Variants in CIT observed in about 807,000 individuals in gnomAD.
CIT encodes the protein citron rho-interacting serine/threonine kinase.
A neutral mutation model predicts 272.7 loss-of-function variants in CIT; 79 were observed. The observed-to-expected ratio is 0.29, with a 90% CI of 0.24 to 0.35. The LOEUF is 0.35. Among genes scored for constraint, CIT ranks in the 10% least tolerant of loss-of-function variants. The probability of loss-of-function intolerance (pLI) is 1.00; values close to 1 mark genes in which losing one functional copy is unlikely to be tolerated. For missense variants in CIT, 1,909 were observed against 2,618.3 expected (o/e 0.73, Z 5.91); for synonymous variants, 948 against 995.6 (o/e 0.95, Z 0.90).
intron 24 of CIT, among the ~76,000 whole-genome samples, chr12:119,741,486 G>GC (rs1158113187): frequency 6.6e-6 from 1 of 152,138 alleles, no homozygotes; most frequent in South Asian, 2.1e-4. Flanking sequence ...ATTATTATGT[G>GC]CTTTACTAGA....
chr12:119,781,472 T>A (rs1964281655), intron 13 of CIT, among the ~76,000 whole-genome samples: 1 of 152,240 alleles, frequency 6.6e-6, no homozygotes, highest in African/African-American at 2.4e-5. Flanking sequence ...TTCATTTCTA[T>A]CAGTGTTTCC....
chr12:119,875,920 G>A (rs772006186), intron 2 of CIT, among the ~76,000 whole-genome samples, 153 bp downstream of exon 2: 7 of 152,074 alleles, frequency 4.6e-5, no homozygotes, highest in Non-Finnish European at 7.4e-5. Context: ...CCCAGGAGGC[G>A]GAGGTTGCAG....
intron 2 of CIT, among the ~76,000 whole-genome samples, chr12:119,871,134 G>A (rs1366312422): frequency 8.0e-6 from 1 of 124,500 alleles, no homozygotes; most frequent in African/African-American, 3.0e-5. Flanking sequence ...AAAAAAAAAA[G>A]TTACGAGTCC....
chr12:119,746,232 C>A (rs1051507865), intron 23 of CIT, among the ~76,000 whole-genome samples: 12 of 152,088 alleles, frequency 7.9e-5, no homozygotes, highest in Admixed American at 7.9e-4. Flanking sequence ...CCTTAAAATG[C>A]CAGATAAGGA....
At chr12:119,863,201 CAAAAA>C (rs751421292) in intron 3 of CIT, among the ~76,000 whole-genome samples, 5 of 40,522 alleles carry the variant, frequency 1.2e-4, no homozygotes, top group African/African-American at 3.5e-4. Context: ...GACTCTGTAT[CAAAAA>C]AAAAAAAAAA....
intron 22 of CIT, among the ~76,000 whole-genome samples, chr12:119,753,690 T>C (rs567051823): frequency 6.6e-6 from 1 of 151,454 alleles, no homozygotes; most frequent in Admixed American, 6.6e-5. Context: ...TGGGCCAAGA[T>C]TGCGCCATTG....
intron 20 of CIT, 105 bp downstream of exon 20, chr12:119,760,834 A>G (rs1373654508): frequency 8.9e-6 from 7 of 790,498 alleles, no homozygotes; most frequent in Non-Finnish European, 1.3e-5. Context: ...ACAGGATTCA[A>G]CAGAAGGAAT....
chr12:119,777,618 C>CTCCTCCTGGACCCGGGAGGCGGAGGTTG, intron 13 of CIT, among the ~76,000 whole-genome samples: 1 of 147,380 alleles, frequency 6.8e-6, no homozygotes, highest in Non-Finnish European at 1.5e-5. Flanking sequence ...TGCAGTGAGC[C>CTCCTCCTGGACCCGGGAGGCGGAGGTTG]GAGATCGCGC....
chr12:119,712,214 A>G lies in CIT; in HGVS notation c.4818T>C (p.Gly1606=). The stretch of plus-strand genomic sequence containing the variant: ...CTGCTTTTTCCCTAGAAACTCTCCC[A>G]CCTGCGACAACTGATTCTAAGGCGG... ...WVTALESVVA[G]GRVSREKAEA... is the part of the protein sequence containing the mutation. Residue 1606 remains glycine (G), a synonymous_variant, in exon 37 of 48, where the codon GGT becomes GGC. Transcript: ENST00000392521. This position sits in a 1 kb window ranked among gnomAD's most constrained non-coding sequence, Gnocchi z 5.2. The G allele has an allele frequency of 6.2e-7, 1 of 1,609,092 alleles. No homozygotes were observed. The highest frequency in any genetic ancestry group is 8.5e-7 in the Non-Finnish European group (1 of 1,177,456).
intron 46 of CIT, among the ~76,000 whole-genome samples, chr12:119,692,085 C>G (rs1201024360): frequency 2.0e-5 from 3 of 152,174 alleles, no homozygotes; most frequent in African/African-American, 7.2e-5. Context: ...AAAATTGCTG[C>G]TAACATGCTC....
At chr12:119,875,320 C>G (rs144380048) in intron 2 of CIT, among the ~76,000 whole-genome samples, 15 of 152,272 alleles carry the variant, frequency 9.9e-5, no homozygotes, top group South Asian at 2.1e-4. Flanking sequence ...ACCAATCAAT[C>G]AATGAATGAA....
rs199592850 is a variant in CIT at position 119,697,681 on chromosome 12, G to A, written c.5860C>T (p.Arg1954Trp). 4.6e-5 allele frequency: 74 copies of A among 1,613,942 alleles called. No homozygotes were observed. In the Middle Eastern group the frequency reaches 4.9e-4, roughly 11 times the overall value. The change falls in exon 46 of 48, where the codon CGG (arginine) becomes TGG (tryptophan). Residue 1954 changes from arginine (R) to tryptophan (W), a missense_variant. Around this residue, in one of 8 missense-constraint regions of CIT, gnomAD observed 780 missense variants for 1,067.2 expected, o/e 0.73. Transcript: ENST00000392521. The surrounding 1 kb of genome is among the most constrained non-coding windows in gnomAD (Gnocchi z 4.9). ...TACCTGCGGGAGGTGGACGGGCCCC[G>A]GTGGTGTTCAGTGCCGGACTCCTTC... Reference protein sequence around the residue: ...LVKESGTEHHRGPSTSRSSPN... With the variant: ...LVKESGTEHHWGPSTSRSSPN...
At chr12:119,815,743 A>G (rs1430164598) in intron 9 of CIT, among the ~76,000 whole-genome samples, 1 of 152,090 alleles carries the variant, frequency 6.6e-6, no homozygotes, top group East Asian at 1.9e-4. Flanking sequence ...GGGAGGCAGC[A>G]TAAAGATGTT....
chr12:119,757,842 C>G (rs1593619904), intron 21 of CIT, among the ~76,000 whole-genome samples: 1 of 152,294 alleles, frequency 6.6e-6, no homozygotes, highest in East Asian at 1.9e-4. Flanking sequence ...CTGTTTATTT[C>G]TTCTGTGAGT....
chr12:119,793,648 G>C (rs778796824), intron 10 of CIT, among the ~76,000 whole-genome samples: 14 of 152,234 alleles, frequency 9.2e-5, no homozygotes, highest in Non-Finnish European at 1.5e-4. Flanking sequence ...CCATAGGTTA[G>C]TGGCAGCCTC....
At chr12:119,730,430 A>C (rs935009016) in intron 27 of CIT, 65 bp downstream of exon 27, 1 of 1,511,376 alleles carries the variant, frequency 6.6e-7, no homozygotes, top group Non-Finnish European at 8.9e-7. Flanking sequence ...AATTTTTATC[A>C]AGCGTGCCTT....
At chr12:119,855,039 G>A (rs556740904) in intron 4 of CIT, among the ~76,000 whole-genome samples, 7 of 152,142 alleles carry the variant, frequency 4.6e-5, no homozygotes, top group East Asian at 1.9e-4. Context: ...CGGGAGGGTC[G>A]CTTAAGCCCA....
intron 7 of CIT, among the ~76,000 whole-genome samples, chr12:119,829,501 C>T (rs1373427023): frequency 1.3e-5 from 2 of 152,202 alleles, no homozygotes; most frequent in East Asian, 1.9e-4. Context: ...GGAGTTCTTA[C>T]TATGTCGTTC....
intron 24 of CIT, among the ~76,000 whole-genome samples, chr12:119,736,177 A>C (rs1958743161): frequency 6.6e-6 from 1 of 152,204 alleles, no homozygotes; most frequent in Admixed American, 6.5e-5. Flanking sequence ...TTGGAAGTTT[A>C]AGGGCAATTT....
Sources: gnomAD v4.1 joint callset for allele counts (sites outside exome capture counted in the v4.1 genomes callset) on GRCh38, gnomAD v4.1.1 for gene constraint, gnomAD v4.1.1 regional missense constraint, Gnocchi (gnomAD v3.1) non-coding constraint, MANE v1.5 for transcripts, NCBI Gene and HGNC (gene_info 2026-07-23, HGNC 2026-07-21) for gene names.